Variants in GRM8 observed in about 807,000 individuals in gnomAD.
The protein encoded by GRM8 is metabotropic glutamate receptor 8.
In GRM8, 47 loss-of-function variants were observed where a neutral mutation model predicts 87.2. The ratio of observed to expected loss-of-function variants is 0.54; its 90% CI spans 0.43 to 0.69. The LOEUF (loss-of-function observed/expected upper bound fraction) is 0.69, where lower values mean the gene tolerates loss of function less well. Ranked by LOEUF, GRM8 falls within the 30% of genes least tolerant of loss-of-function variation. GRM8 has a pLI of 0.00. For missense variants in GRM8, 1,019 were observed against 1,139.2 expected (o/e 0.89, Z 1.52); for synonymous variants, 396 against 404.5 (o/e 0.98, Z 0.25).
At chr7:126,804,140 T>A (rs1792400607) in intron 6 of GRM8, among the ~76,000 whole-genome samples, 1 of 152,266 alleles carries the variant, frequency 6.6e-6, no homozygotes, top group East Asian at 1.9e-4. Context: ...CAGTCTGCAC[T>A]TTTGCAATTA....
chr7:127,226,403 T>C (rs1797325667), intron 2 of GRM8, among the ~76,000 whole-genome samples: 1 of 152,246 alleles, frequency 6.6e-6, no homozygotes, highest in Non-Finnish European at 1.5e-5. Flanking sequence ...CTACTTTTTA[T>C]GTTTGCCCTG....
At chr7:126,446,561 G>T (rs370985988) in intron 9 of GRM8, among the ~76,000 whole-genome samples, 189 bp from the exon 10 acceptor site, 16 of 152,010 alleles carry the variant, frequency 1.1e-4, no homozygotes, top group South Asian at 2.1e-4. Flanking sequence ...AATGAGTAAG[G>T]TTATTTTTTT....
intron 8 of GRM8, among the ~76,000 whole-genome samples, chr7:126,572,102 C>T (rs924800097): frequency 3.3e-5 from 5 of 152,114 alleles, no homozygotes; most frequent in South Asian, 2.1e-4. Flanking sequence ...TAAAACGAAA[C>T]TCTCTGGTCT....
intron 7 of GRM8, among the ~76,000 whole-genome samples, chr7:126,704,926 T>C (rs1055202109): frequency 6.6e-6 from 1 of 152,138 alleles, no homozygotes; most frequent in Non-Finnish European, 1.5e-5. Flanking sequence ...TCTATTACCT[T>C]GTGAAGTACG....
intron 9 of GRM8, among the ~76,000 whole-genome samples, chr7:126,483,625 A>C (rs1806989735): frequency 6.6e-6 from 1 of 151,602 alleles, no homozygotes; most frequent in South Asian, 2.1e-4. Context: ...CTGTTACTCA[A>C]ATTTTCATAT....
At chr7:127,159,193 C>G (rs1792934047) in intron 2 of GRM8, among the ~76,000 whole-genome samples, 2 of 152,150 alleles carry the variant, frequency 1.3e-5, no homozygotes, top group South Asian at 4.1e-4. Flanking sequence ...TGTGTGCGAA[C>G]TAATAATAAC....
intron 7 of GRM8, among the ~76,000 whole-genome samples, chr7:126,731,711 T>C (rs1813598516): frequency 6.6e-6 from 1 of 152,202 alleles, no homozygotes; most frequent in South Asian, 2.1e-4. Context: ...ATTACAATGA[T>C]CATGGTATTA....
At chr7:127,045,467 C>T (rs1818839564) in intron 3 of GRM8, among the ~76,000 whole-genome samples, 2 of 152,078 alleles carry the variant, frequency 1.3e-5, no homozygotes, top group Admixed American at 6.5e-5. Context: ...TTTTCCTTAC[C>T]TGATATCATA....
chr7:126,477,581 G>A (rs796732089), intron 9 of GRM8, among the ~76,000 whole-genome samples: 9,070 of 78,536 alleles, frequency 0.12, 392 homozygotes, highest in East Asian at 0.14. Flanking sequence ...GAAAGAAAGA[G>A]AGAAAGAAAG....
chr7:127,126,627 T>C (rs766678238), intron 2 of GRM8, among the ~76,000 whole-genome samples: 4 of 151,932 alleles, frequency 2.6e-5, no homozygotes, highest in Non-Finnish European at 5.9e-5. Flanking sequence ...TGTATTTAAA[T>C]AATACTACTA....
chr7:127,145,316 C>T (rs993847531), intron 2 of GRM8, among the ~76,000 whole-genome samples: 4 of 152,088 alleles, frequency 2.6e-5, no homozygotes, highest in African/African-American at 4.8e-5. Context: ...TCAAGTTCCT[C>T]AGAGTTATGA....
chr7:126,556,360 A>T (rs890664085), intron 8 of GRM8, among the ~76,000 whole-genome samples: 1 of 149,454 alleles, frequency 6.7e-6, no homozygotes. Flanking sequence ...AAAAAAAAAA[A>T]AGTGGGCCAG....
intron 3 of GRM8, 88 bp from the exon 4 acceptor site, chr7:126,904,771 T>C (rs1486445338): frequency 2.6e-6 from 3 of 1,133,020 alleles, no homozygotes; most frequent in Non-Finnish European, 3.9e-6. Flanking sequence ...AAGCACATAC[T>C]TCTGTATGAA....
chr7:126,477,654 A>G (rs191315243), intron 9 of GRM8, among the ~76,000 whole-genome samples: 3 of 151,616 alleles, frequency 2.0e-5, no homozygotes, highest in African/African-American at 7.3e-5. Context: ...AAAGAGAAAG[A>G]AAGAAAAGAG....
At chr7:126,481,288 C>T (rs1806644796) in intron 9 of GRM8, among the ~76,000 whole-genome samples, 1 of 151,938 alleles carries the variant, frequency 6.6e-6, no homozygotes, top group African/African-American at 2.4e-5. Context: ...TTATGGATGA[C>T]AAATTTAGTG....
intron 3 of GRM8, among the ~76,000 whole-genome samples, chr7:126,938,022 A>G (rs747320229): frequency 1.3e-5 from 2 of 152,208 alleles, no homozygotes; most frequent in African/African-American, 2.4e-5. Flanking sequence ...TAGATAAGGA[A>G]CTACCAGAAA....
chr7:126,874,362 G>GT (rs1347636711), intron 6 of GRM8, among the ~76,000 whole-genome samples: 4 of 152,008 alleles, frequency 2.6e-5, no homozygotes, highest in Non-Finnish European at 5.9e-5. Context: ...AATTCATCCA[G>GT]TCTACTAGCT....
chr7:126,875,534 A>G (rs534462405), intron 6 of GRM8, among the ~76,000 whole-genome samples: 1 of 152,326 alleles, frequency 6.6e-6, no homozygotes, highest in African/African-American at 2.4e-5. Flanking sequence ...GCAAACAATT[A>G]TATGTTCCCC....
At chr7:126,964,247 T>C (rs1446047316) in intron 3 of GRM8, among the ~76,000 whole-genome samples, 2 of 152,148 alleles carry the variant, frequency 1.3e-5, no homozygotes, top group Non-Finnish European at 2.9e-5. Flanking sequence ...ATTGAGGACA[T>C]AGGCATGGGC....
Sources: allele counts gnomAD v4.1 joint callset (sites outside exome capture counted in the v4.1 genomes callset), GRCh38; gene constraint gnomAD v4.1.1; transcripts MANE v1.5; gene names NCBI Gene and HGNC (gene_info 2026-07-23, HGNC 2026-07-21).